Variants in CYB5R4 observed in about 807,000 individuals in gnomAD.
The protein encoded by CYB5R4 is N-terminal cytochrome b5 and cytochrome b5 oxidoreductase domain-containing protein.
A neutral mutation model predicts 70.2 loss-of-function variants in CYB5R4; 55 were observed. The observed-to-expected ratio is 0.78, with a 90% CI of 0.63 to 0.98. CYB5R4 has a LOEUF of 0.98. Among genes scored for constraint, CYB5R4 ranks in the 50% least tolerant of loss-of-function variants. CYB5R4 has a pLI of 0.00. For missense variants in CYB5R4, 562 were observed against 612.6 expected, an observed-to-expected ratio of 0.92 and a Z score of 0.87; for synonymous variants, 197 against 199.5, an observed-to-expected ratio of 0.99 and a Z score of 0.11.
chr6:83,896,912 T>A (rs75445812), intron 3 of CYB5R4, among the ~76,000 whole-genome samples: 1 of 145,638 alleles, frequency 6.9e-6, no homozygotes, highest in Admixed American at 6.9e-5. Context: ...TTCCATTTTC[T>A]TTTTTTTTTT....
intron 10 of CYB5R4, among the ~76,000 whole-genome samples, chr6:83,924,816 C>T (rs1464701120): frequency 6.6e-6 from 1 of 152,072 alleles, no homozygotes; most frequent in Non-Finnish European, 1.5e-5. Context: ...AAAGTCATTA[C>T]GTAATGATAC....
At chr6:83,864,563 C>T (rs961270830) in intron 2 of CYB5R4, among the ~76,000 whole-genome samples, 1 of 152,144 alleles carries the variant, frequency 6.6e-6, no homozygotes, top group Non-Finnish European at 1.5e-5. Flanking sequence ...TTTCTTGCTT[C>T]CTTGTACTGC....
At chr6:83,932,606 G>A (rs1447471911) in intron 10 of CYB5R4, among the ~76,000 whole-genome samples, 4 of 152,132 alleles carry the variant, frequency 2.6e-5, no homozygotes, top group Admixed American at 1.3e-4. Context: ...CACAAGGTGA[G>A]GAGTATTGCA....
chr6:83,860,320 G>A (rs1486310031), intron 1 of CYB5R4, among the ~76,000 whole-genome samples: 2 of 152,092 alleles, frequency 1.3e-5, no homozygotes, highest in African/African-American at 2.4e-5. Context: ...TCCGTGCAAG[G>A]ATGGGGACTT....
At chr6:83,870,083 T>TA (rs1160237811) in intron 2 of CYB5R4, among the ~76,000 whole-genome samples, 1 of 152,200 alleles carries the variant, frequency 6.6e-6, no homozygotes, top group Non-Finnish European at 1.5e-5. Flanking sequence ...AGAAGGTGTC[T>TA]TTAAACAGCA....
intron 5 of CYB5R4, among the ~76,000 whole-genome samples, chr6:83,915,184 G>A (rs925236795): frequency 3.3e-5 from 5 of 151,994 alleles, no homozygotes; most frequent in East Asian, 1.9e-4. Flanking sequence ...CCTCTCCCCC[G>A]CAAAAAAGTT....
At chr6:83,956,591 C>T (rs927003533) in intron 15 of CYB5R4, among the ~76,000 whole-genome samples, 2 of 152,034 alleles carry the variant, frequency 1.3e-5, no homozygotes, top group African/African-American at 4.8e-5. Flanking sequence ...TTAAAAGGTA[C>T]TAGACTCTTA....
intron 3 of CYB5R4, among the ~76,000 whole-genome samples, chr6:83,898,123 C>T (rs1429326474): frequency 6.6e-6 from 1 of 152,076 alleles, no homozygotes; most frequent in Non-Finnish European, 1.5e-5. Context: ...TTTAATCCAT[C>T]TTGAATTAAT....
At chr6:83,943,846 A>G (rs2099470146) in intron 14 of CYB5R4, among the ~76,000 whole-genome samples, 1 of 152,004 alleles carries the variant, frequency 6.6e-6, no homozygotes, top group African/African-American at 2.4e-5. Context: ...ATCAAGCGGA[A>G]GAAAGGATAT....
intron 3 of CYB5R4, among the ~76,000 whole-genome samples, chr6:83,902,151 G>A (rs185750246): frequency 5.1e-4 from 78 of 151,996 alleles, no homozygotes; most frequent in Non-Finnish European, 7.4e-4. Context: ...TTATAGTTTC[G>A]GGTCTATATT....
chr6:83,919,105 AAG>A (rs1290101136), intron 6 of CYB5R4, among the ~76,000 whole-genome samples: 4 of 152,150 alleles, frequency 2.6e-5, no homozygotes, highest in Non-Finnish European at 5.9e-5. Flanking sequence ...GCTCTGATAA[AAG>A]AAGATTTTAG....
Position 83,960,970 on chromosome 6 carries a change from G to A in CYB5R4, c.*1092G>A, listed in dbSNP as rs1437292003. 6.6e-6 allele frequency: 1 copy of A among 152,212 alleles called. No individual in the cohort carries two copies. 9.4% of individuals were successfully genotyped at this position (152,212 alleles called of 1,614,324 possible). A position where few individuals can be genotyped will look rare whatever the true frequency, so the allele number is the denominator to read the frequency against. On this transcript the variant is annotated 3_prime_UTR_variant, in exon 16 of 16. Transcript: ENST00000369681. ...GGTAGCTACTGTATAAGCTAACTAG[G>A]ATTTTTCAGTCTTAGTACAGCTGCA...
chr6:83,916,543 T>G (rs1320287423), intron 5 of CYB5R4, among the ~76,000 whole-genome samples: 1 of 152,234 alleles, frequency 6.6e-6, no homozygotes, highest in Non-Finnish European at 1.5e-5. Context: ...CGTGTAGTTT[T>G]GTAGTAGAGC....
chr6:83,941,875 C>G (rs1312543519), intron 14 of CYB5R4, among the ~76,000 whole-genome samples: 1 of 152,088 alleles, frequency 6.6e-6, no homozygotes, highest in East Asian at 1.9e-4. Flanking sequence ...TATCAAGAAG[C>G]CTAAAGACCT....
intron 14 of CYB5R4, among the ~76,000 whole-genome samples, chr6:83,948,062 C>T (rs2099470916): frequency 6.6e-6 from 1 of 152,180 alleles, no homozygotes; most frequent in South Asian, 2.1e-4. Context: ...TGTAAAGATA[C>T]ATGCACATGT....
At position 83,909,028 on chromosome 6, in the gene CYB5R4, A is replaced by G; in HGVS notation, c.350A>G (p.Tyr117Cys). The G allele has an allele frequency of 6.2e-7, 1 of 1,613,924 alleles. No individual in the cohort carries two copies. Among genetic ancestry groups the G allele is most frequent in the African/African-American group, 1.3e-5 (1 of 75,060 alleles). The change falls in exon 4 of 16, where the codon TAT becomes TGT. Residue 117 changes from tyrosine (Y) to cysteine (C), a missense_variant. Transcript: ENST00000369681. ...TACCAGGTTCATCGTTGGGTCAATT[A>G]TGAATCCATGCTGAAAGAATGCCTG... is the stretch of plus-strand genomic sequence containing the variant. ...LFDQVHRWVN[Y>C]ESMLKECLVG... is the part of the protein sequence containing the mutation.
At chr6:83,954,297 A>T (rs779315932) in intron 14 of CYB5R4, among the ~76,000 whole-genome samples, 2 of 152,212 alleles carry the variant, frequency 1.3e-5, no homozygotes, top group Non-Finnish European at 2.9e-5. Flanking sequence ...AAGCAGGATA[A>T]CAGCCTCTTT....
intron 2 of CYB5R4, among the ~76,000 whole-genome samples, chr6:83,893,257 A>G (rs1303558054): frequency 2.0e-5 from 3 of 152,150 alleles, no homozygotes; most frequent in East Asian, 3.9e-4. Context: ...GACTACTGCT[A>G]TTGATGTGAG....
intron 2 of CYB5R4, among the ~76,000 whole-genome samples, chr6:83,891,797 G>T (rs1222792054): frequency 1.3e-5 from 2 of 152,158 alleles, no homozygotes; most frequent in Non-Finnish European, 1.5e-5. Flanking sequence ...GGTTAGCAGA[G>T]AACATGTATG....
Sources: allele counts gnomAD v4.1 joint callset (sites outside exome capture counted in the v4.1 genomes callset), GRCh38; gene constraint gnomAD v4.1.1; transcripts MANE v1.5; gene names NCBI Gene and HGNC (gene_info 2026-07-23, HGNC 2026-07-21).